The following KHDRBS2 variants were observed in gnomAD, a reference collection of about 807,000 sequenced individuals.
KHDRBS2 encodes KH RNA binding domain containing, signal transduction associated 2.
In KHDRBS2, 26 loss-of-function variants were observed where a neutral mutation model predicts 44.3. The observed-to-expected ratio is 0.59, with a 90% CI of 0.43 to 0.81. KHDRBS2 has a LOEUF of 0.81. KHDRBS2 is among the 40% of genes least tolerant of loss of function. The pLI is 0.00. For synonymous variants in KHDRBS2, 194 were observed against 151.1 expected (o/e 1.28, Z -2.08); for missense variants, 476 against 433.1 (o/e 1.10, Z -0.88).
At chr6:61,899,305 C>G (rs1803488571) in intron 5 of KHDRBS2, among the ~76,000 whole-genome samples, 1 of 151,814 alleles carries the variant, frequency 6.6e-6, no homozygotes, top group Non-Finnish European at 1.5e-5. Flanking sequence ...ATTGTAGATA[C>G]AGTTCAACAT....
chr6:62,181,039 AAT>A (rs914803963), intron 1 of KHDRBS2, among the ~76,000 whole-genome samples: 1 of 151,744 alleles, frequency 6.6e-6, no homozygotes, highest in African/African-American at 2.4e-5. Flanking sequence ...AAAAAAAAAA[AAT>A]CAACTCAAAG....
chr6:62,232,416 T>A (rs1422280243), intron 1 of KHDRBS2, among the ~76,000 whole-genome samples: 1 of 152,140 alleles, frequency 6.6e-6, no homozygotes, highest in Admixed American at 6.5e-5. Flanking sequence ...GTGTATAGAA[T>A]GGAGATTATA....
intron 6 of KHDRBS2, among the ~76,000 whole-genome samples, chr6:61,733,258 G>GA (rs1242667379): frequency 6.6e-6 from 1 of 151,672 alleles, no homozygotes; most frequent in South Asian, 2.1e-4. Flanking sequence ...ATAAATAAAA[G>GA]AAAAAAAGAG....
intron 3 of KHDRBS2, among the ~76,000 whole-genome samples, chr6:62,012,882 C>T (rs1195727973): frequency 6.6e-6 from 1 of 152,130 alleles, no homozygotes; most frequent in Non-Finnish European, 1.5e-5. Flanking sequence ...TCTTTCACTT[C>T]CACTGTACTC....
At chr6:62,027,829 A>G (rs992322512) in intron 3 of KHDRBS2, among the ~76,000 whole-genome samples, 10 of 152,104 alleles carry the variant, frequency 6.6e-5, no homozygotes, top group Non-Finnish European at 1.3e-4. Flanking sequence ...AACTTGCCCT[A>G]TGCATTTCTT....
At chr6:62,135,233 T>G (rs902297982) in intron 2 of KHDRBS2, among the ~76,000 whole-genome samples, 9 of 152,150 alleles carry the variant, frequency 5.9e-5, no homozygotes, top group African/African-American at 1.7e-4. Context: ...TCTCATGAGA[T>G]CCAATAGTTT....
intron 6 of KHDRBS2, among the ~76,000 whole-genome samples, chr6:61,732,995 A>G (rs529711033): frequency 2.0e-5 from 3 of 152,262 alleles, no homozygotes; most frequent in African/African-American, 7.2e-5. Flanking sequence ...AGCAATACCT[A>G]CTCTAAGACT....
chr6:62,148,829 C>T lies in KHDRBS2; in HGVS notation c.219+28356G>A, dbSNP rs534599482. Among the ~76,000 whole-genome samples the T allele has an allele frequency of 3.3e-5, 5 of 152,142 alleles. No individual in the cohort carries two copies. In the South Asian group the frequency reaches 8.3e-4, roughly 25 times the overall value. ...TGAGACAAATATATCTGATTGTTTC[C>T]TCTGCCCTATGTTTATTTTATCTTA... On this transcript the variant is annotated intron_variant, in intron 2 of 8. Coordinates refer to ENST00000281156, the MANE Select transcript of KHDRBS2 (RefSeq NM_152688.4).
chr6:61,873,943 G>A (rs1338317578), intron 6 of KHDRBS2, among the ~76,000 whole-genome samples: 1 of 151,682 alleles, frequency 6.6e-6, no homozygotes, highest in Non-Finnish European at 1.5e-5. Context: ...ATGCATGGGG[G>A]GCATTCAGAC....
intron 7 of KHDRBS2, among the ~76,000 whole-genome samples, chr6:61,704,810 G>A (rs1303461862): frequency 6.6e-6 from 1 of 151,792 alleles, no homozygotes; most frequent in African/African-American, 2.4e-5. Context: ...GCAAATCATT[G>A]TAGTATGAAT....
rs1302428979 is a variant in KHDRBS2 at position 61,701,825 on chromosome 6, A to C, written c.894-4572T>G. Among the ~76,000 whole-genome samples the C allele has an allele frequency of 5.3e-5, 8 of 151,978 alleles. No individual in the cohort carries two copies. The East Asian group carries it at 1.5e-3, about 29-fold the overall frequency. On this transcript the variant is annotated intron_variant, in intron 7 of 8. Coordinates refer to ENST00000281156, the MANE Select transcript of KHDRBS2 (RefSeq NM_152688.4). ...TTTTTCTAATGATAGTTTCTATTGC[A>C]GTTATTCTGTTCCCCTTTGACCATT...
intron 3 of KHDRBS2, among the ~76,000 whole-genome samples, chr6:61,994,507 T>C (rs1017982838): frequency 1.3e-5 from 2 of 152,184 alleles, no homozygotes; most frequent in Admixed American, 6.5e-5. Context: ...ACTAACATAA[T>C]GTTAATGTAT....
chr6:62,024,598 A>G (rs1446586376), intron 3 of KHDRBS2, among the ~76,000 whole-genome samples: 1 of 151,644 alleles, frequency 6.6e-6, no homozygotes, highest in East Asian at 1.9e-4. Context: ...TTATTGACTT[A>G]TCAAACTTTC....
At chr6:61,874,415 C>G (rs1799105725) in intron 6 of KHDRBS2, among the ~76,000 whole-genome samples, 1 of 152,114 alleles carries the variant, frequency 6.6e-6, no homozygotes, top group African/African-American at 2.4e-5. Context: ...TAACGTGTAT[C>G]AGGAATTAAT....
chr6:61,840,387 G>T (rs1373919863), intron 6 of KHDRBS2, among the ~76,000 whole-genome samples: 1 of 152,044 alleles, frequency 6.6e-6, no homozygotes, highest in African/African-American at 2.4e-5. Context: ...AACAGCAATT[G>T]TTCTGTTGAT....
At chr6:61,713,930 C>G (rs779595232) in intron 7 of KHDRBS2, among the ~76,000 whole-genome samples, 14 of 151,676 alleles carry the variant, frequency 9.2e-5, no homozygotes, top group Admixed American at 4.0e-4. Flanking sequence ...AGACCTGAAA[C>G]TATAAAAGCA....
chr6:62,169,134 C>CATATATGTGTGTATATAT (rs1449026540), intron 2 of KHDRBS2, among the ~76,000 whole-genome samples: 1 of 117,456 alleles, frequency 8.5e-6, no homozygotes, highest in Non-Finnish European at 1.7e-5. Flanking sequence ...TATACATATA[C>CATATATGTGTGTATATAT]ACACATATAT....
chr6:61,578,192 T>C, the KHDRBS2 span, among the ~76,000 whole-genome samples: 1 of 152,072 alleles, frequency 6.6e-6, no homozygotes, highest in South Asian at 2.1e-4. Flanking sequence ...ATCAGGTCAC[T>C]TTAAACAGCA....
At chr6:61,761,763 T>C (rs1751985134) in intron 6 of KHDRBS2, among the ~76,000 whole-genome samples, 1 of 152,236 alleles carries the variant, frequency 6.6e-6, no homozygotes, top group African/African-American at 2.4e-5. Flanking sequence ...AAAATGGTGA[T>C]ACTAATACAA....
Sources: gnomAD v4.1 joint callset for allele counts (sites outside exome capture counted in the v4.1 genomes callset) on GRCh38, gnomAD v4.1.1 for gene constraint, MANE v1.5 for transcripts, NCBI Gene and HGNC (gene_info 2026-07-23, HGNC 2026-07-21) for gene names.